The following SOHLH2 variants were observed in gnomAD, a reference collection of about 807,000 sequenced individuals.
SOHLH2 encodes the protein spermatogenesis- and oogenesis-specific basic helix-loop-helix-containing protein 2.
SOHLH2 carries 22 observed loss-of-function variants against 50.4 expected under a neutral mutation model. That is an observed-to-expected ratio of 0.44 (90% confidence interval 0.31 to 0.62). The LOEUF (loss-of-function observed/expected upper bound fraction) is 0.62. Among genes scored for constraint, SOHLH2 ranks in the 20% least tolerant of loss-of-function variants. The pLI, the probability that SOHLH2 is intolerant of heterozygous loss-of-function variation, is 0.08. For missense variants in SOHLH2, 412 were observed against 504.4 expected, an observed-to-expected ratio of 0.82 and a Z score of 1.76; for synonymous variants, 185 against 187.3, an observed-to-expected ratio of 0.99 and a Z score of 0.10.
At chr13:36,210,752 C>T (rs1427303437) in intron 1 of SOHLH2, among the ~76,000 whole-genome samples, 2 of 152,168 alleles carry the variant, frequency 1.3e-5, no homozygotes, top group African/African-American at 4.8e-5. Context: ...CTGCTACCAA[C>T]CTACTTCAAA....
At chr13:36,180,214 T>G (rs753503518) in intron 6 of SOHLH2, among the ~76,000 whole-genome samples, 2 of 152,204 alleles carry the variant, frequency 1.3e-5, no homozygotes, top group Admixed American at 6.5e-5. Flanking sequence ...TTTAAATATT[T>G]AGAGTAGCTA....
intron 4 of SOHLH2, among the ~76,000 whole-genome samples, chr13:36,192,348 T>A (rs1023059823): frequency 6.6e-6 from 1 of 152,168 alleles, no homozygotes; most frequent in Non-Finnish European, 1.5e-5. Context: ...GACATGGTCA[T>A]GACCAACAGA....
intron 2 of SOHLH2, among the ~76,000 whole-genome samples, chr13:36,195,857 G>C (rs890332242): frequency 1.3e-5 from 2 of 152,100 alleles, no homozygotes; most frequent in Non-Finnish European, 2.9e-5. Flanking sequence ...GGAAAGGAAA[G>C]AATATATGGT....
chr13:36,203,212 C>T (rs532624732), intron 1 of SOHLH2, among the ~76,000 whole-genome samples: 19 of 152,280 alleles, frequency 1.2e-4, no homozygotes, highest in African/African-American at 4.1e-4. Flanking sequence ...AAGTACGATA[C>T]ACACATACAT....
In SOHLH2 at chr13:36,193,827, T is replaced by C; in HGVS notation, c.304A>G (p.Ile102Val). The change falls in exon 3 of 11, where the codon ATA (isoleucine) becomes GTA (valine). Residue 102 changes from isoleucine to valine, a missense_variant. Ile to Val is a conservative substitution (Grantham distance 29, BLOSUM62 3). Coordinates refer to ENST00000379881, the MANE Select transcript of SOHLH2 (RefSeq NM_017826.3). ...KKNTHSLFVFIIPENFKGCIS... is the reference protein window; with the variant it reads ...KKNTHSLFVFVIPENFKGCIS... Reference sequence around the variant, plus strand: ...ATACCTTTAAAATTTTCAGGGATTATAAAAACAAACAGTGAATGTGTATTT... The same window carrying C: ...ATACCTTTAAAATTTTCAGGGATTACAAAAACAAACAGTGAATGTGTATTT... 1 of 1,603,912 alleles carries C rather than the reference T, an allele frequency of 6.2e-7. No homozygotes were observed. Among genetic ancestry groups the C allele is most frequent in the Non-Finnish European group, 8.5e-7 (1 of 1,177,684 alleles).
chr13:36,193,629 G>C lies in SOHLH2; in HGVS notation c.422C>G (p.Ser141Ter), dbSNP rs771905794. The change falls in exon 4 of 11, where the codon TCA (serine) becomes TGA (stop). Residue 141 changes from serine to a stop codon, truncating the protein, a stop_gained. Transcript: ENST00000379881. LOFTEE classifies it high-confidence loss of function. The stretch of plus-strand genomic sequence containing the variant: ...GGAAATTTTTTACTCACCAGTGTTT[G>C]AGGGACATGTTGTCCAGTATTTTAC... ...NVVKYWTTCPSNTVKTENATG... is the reference protein window; with the variant it reads ...NVVKYWTTCP 1.9e-6 allele frequency: 3 copies of C among 1,601,230 alleles called. No individual in the cohort carries two copies. Among genetic ancestry groups the C allele is most frequent in the African/African-American group, 1.3e-5 (1 of 74,106 alleles).
At chr13:36,206,588 T>C (rs1406814972) in intron 1 of SOHLH2, among the ~76,000 whole-genome samples, 1 of 152,028 alleles carries the variant, frequency 6.6e-6, no homozygotes, top group Non-Finnish European at 1.5e-5. Context: ...TGTTGACATT[T>C]TCTTCATAGC....
chr13:36,193,839 GT>G lies in SOHLH2; in HGVS notation c.291del (p.Leu98CysfsTer5). On this transcript the variant is annotated frameshift_variant, in exon 3 of 11. Transcript: ENST00000379881. LOFTEE classifies it high-confidence loss of function. The stretch of plus-strand genomic sequence containing the variant: ...TTTTCAGGGATTATAAAAACAAACA[GT>G]GAATGTGTATTTTTCTTTTTGCCAA... ...IRFGKKKNTH[S>X]LFVFIIPENF... is the part of the protein sequence containing the mutation. 6.2e-7 allele frequency: 1 copy of G among 1,602,538 alleles called. No individual in the cohort carries two copies. Among genetic ancestry groups the G allele is most frequent in the Non-Finnish European group, 8.5e-7 (1 of 1,177,192 alleles).
At chr13:36,205,909 T>G (rs1868730670) in intron 1 of SOHLH2, among the ~76,000 whole-genome samples, 1 of 152,058 alleles carries the variant, frequency 6.6e-6, no homozygotes, top group South Asian at 2.1e-4. Context: ...GTTTCTCACC[T>G]TCTCTTAAAT....
At chr13:36,186,462 T>A (rs1430988582) in intron 6 of SOHLH2, among the ~76,000 whole-genome samples, 1 of 152,194 alleles carries the variant, frequency 6.6e-6, no homozygotes, top group Non-Finnish European at 1.5e-5. Flanking sequence ...CTGGGCCAGA[T>A]ACAACTTGGA....
rs73167237 is a variant in SOHLH2, at chr13:36,202,114, G to C, written c.49-21C>G. Reference sequence around the variant, plus strand: ...TTTGCCTGAAAGAGAAGGAAGCAGAGGCGTCACATAATTATTGCCTAGGCA... The same window carrying C: ...TTTGCCTGAAAGAGAAGGAAGCAGACGCGTCACATAATTATTGCCTAGGCA... On this transcript the variant is annotated intron_variant, in intron 1 of 10. Coordinates refer to ENST00000379881, the MANE Select transcript of SOHLH2 (RefSeq NM_017826.3). 5,488 of 1,613,036 alleles carry C rather than the reference G, an allele frequency of 3.4e-3. 15 individuals are homozygous for C. The highest frequency in any genetic ancestry group is 4.3e-3 in the Non-Finnish European group (5,064 of 1,179,640).
chr13:36,176,291 A>AT (rs1454092208), intron 6 of SOHLH2, among the ~76,000 whole-genome samples: 3 of 152,132 alleles, frequency 2.0e-5, no homozygotes, highest in Non-Finnish European at 4.4e-5. Context: ...TTTTCCAAAT[A>AT]TTTTTTGCTA....
Position 36,170,686 on chromosome 13 carries a change from A to G in SOHLH2, c.1102T>C (p.Tyr368His). 1 of 1,614,218 alleles carries G rather than the reference A, an allele frequency of 6.2e-7. No homozygotes were observed. Among genetic ancestry groups the G allele is most frequent in the African/African-American group, 1.3e-5 (1 of 75,042 alleles). Reference sequence around the variant, plus strand: ...TCGTAGGAAGGGGTGACTTTAGAATAATATCTGACAGTATGCAAGGAATTC... The same window carrying G: ...TCGTAGGAAGGGGTGACTTTAGAATGATATCTGACAGTATGCAAGGAATTC... ...SLNSLHTVRY[Y>H]SKVTPSYDAT... The change falls in exon 10 of 11, where the codon TAT (tyrosine) becomes CAT (histidine). Residue 368 changes from tyrosine (Y) to histidine (H), a missense_variant. Transcript: ENST00000379881.
chr13:36,184,267 G>GA (rs1254207585), intron 6 of SOHLH2, among the ~76,000 whole-genome samples: 2 of 151,688 alleles, frequency 1.3e-5, no homozygotes, highest in African/African-American at 4.8e-5. Context: ...CTAGTGAAAA[G>GA]AAAAAAATCA....
Position 36,174,884 on chromosome 13 carries a change from G to T in SOHLH2, c.642-15C>A. On this transcript the variant is annotated splice_polypyrimidine_tract_variant and intron_variant, in intron 6 of 10. Coordinates refer to ENST00000379881, the MANE Select transcript of SOHLH2 (RefSeq NM_017826.3). The stretch of plus-strand genomic sequence containing the variant: ...TGATTCTTTCCCTGGACACAGAATT[G>T]CAATACATAAAGAATAATTAGTCTC... The T allele has an allele frequency of 6.4e-7, 1 of 1,556,278 alleles. No homozygotes were observed. Among genetic ancestry groups the T allele is most frequent in the Non-Finnish European group, 8.6e-7 (1 of 1,158,414 alleles).
At chr13:36,191,674 C>T in intron 5 of SOHLH2, 121 bp downstream of exon 5, 1 of 1,111,258 alleles carries the variant, frequency 9.0e-7, no homozygotes, top group Non-Finnish European at 1.3e-6. Flanking sequence ...GTAATGTGTA[C>T]CCACAGTGCC....
intron 6 of SOHLH2, among the ~76,000 whole-genome samples, chr13:36,183,491 C>T (rs565928786): frequency 6.6e-6 from 1 of 151,886 alleles, no homozygotes; most frequent in Admixed American, 6.6e-5. Flanking sequence ...AAAAGAAATG[C>T]TAAAGTATAC....
At chr13:36,199,614 A>G (rs1296631293) in intron 2 of SOHLH2, among the ~76,000 whole-genome samples, 2 of 152,358 alleles carry the variant, frequency 1.3e-5, no homozygotes, top group East Asian at 1.9e-4. Context: ...TTGCATAGCT[A>G]TACACTTGGT....
intron 1 of SOHLH2, among the ~76,000 whole-genome samples, chr13:36,203,553 G>A (rs756717246): frequency 6.6e-6 from 1 of 152,026 alleles, no homozygotes; most frequent in Non-Finnish European, 1.5e-5. Flanking sequence ...ATATATCCTC[G>A]AATCCAAACT....
Sources: gnomAD v4.1 joint callset for allele counts (sites outside exome capture counted in the v4.1 genomes callset) on GRCh38, gnomAD v4.1.1 for gene constraint, MANE v1.5 for transcripts, NCBI Gene and HGNC (gene_info 2026-07-23, HGNC 2026-07-21) for gene names.